CDH9: variants seen among roughly 807,000 people sequenced by gnomAD.
CDH9 encodes the protein cadherin 9, also known as cadherin-9.
Under a neutral mutation model 70.9 loss-of-function variants are expected in CDH9, and 28 were observed. The ratio of observed to expected loss-of-function variants is 0.40; its 90% confidence interval spans 0.29 to 0.54. The LOEUF (loss-of-function observed/expected upper bound fraction) is 0.54, where lower values mean the gene tolerates loss of function less well. CDH9 is among the 20% of genes least tolerant of loss of function. The pLI is 0.59. For synonymous variants in CDH9, 409 were observed against 343.1 expected, an observed-to-expected ratio of 1.19 and a Z score of -2.12; for missense variants, 874 against 984.4, an observed-to-expected ratio of 0.89 and a Z score of 1.50.
chr5:26,979,578 C>A (rs946871124), intron 2 of CDH9, among the ~76,000 whole-genome samples: 1 of 151,728 alleles, frequency 6.6e-6, no homozygotes, highest in Non-Finnish European at 1.5e-5. Context: ...CAATTAAATG[C>A]CAAATATTGT....
At chr5:26,900,559 G>T (rs1740837137) in intron 7 of CDH9, among the ~76,000 whole-genome samples, 1 of 152,018 alleles carries the variant, frequency 6.6e-6, no homozygotes, top group Non-Finnish European at 1.5e-5. Flanking sequence ...ATGAAGAAAA[G>T]ATAACATGGA....
intron 6 of CDH9, chr5:26,902,959 C>A: frequency 2.5e-6 from 1 of 402,192 alleles, no homozygotes; most frequent in East Asian, 4.2e-5. Context: ...TTGATTCTCA[C>A]TTAGTAATAT....
chr5:27,012,826 A>G (rs1465302224), intron 1 of CDH9, among the ~76,000 whole-genome samples: 1 of 152,012 alleles, frequency 6.6e-6, no homozygotes, highest in Non-Finnish European at 1.5e-5. Flanking sequence ...TATTTCCTTA[A>G]TATCTTGATG....
At chr5:26,998,217 A>T (rs1742700561) in intron 1 of CDH9, among the ~76,000 whole-genome samples, 1 of 152,146 alleles carries the variant, frequency 6.6e-6, no homozygotes, top group South Asian at 2.1e-4. Flanking sequence ...CTGTGAACCT[A>T]TGGAAAATCA....
intron 2 of CDH9, among the ~76,000 whole-genome samples, chr5:26,976,772 A>G (rs1397382405): frequency 6.6e-6 from 1 of 152,114 alleles, no homozygotes; most frequent in African/African-American, 2.4e-5. Flanking sequence ...TATTATGCAT[A>G]CTGGCCACTT....
At chr5:26,884,239 A>T (rs1387834571) in intron 11 of CDH9, among the ~76,000 whole-genome samples, 1 of 152,136 alleles carries the variant, frequency 6.6e-6, no homozygotes, top group Non-Finnish European at 1.5e-5. Flanking sequence ...TTAATTTGAC[A>T]ATGTTAAAAT....
chr5:26,957,585 T>G (rs1300946943), intron 2 of CDH9, among the ~76,000 whole-genome samples: 1 of 152,084 alleles, frequency 6.6e-6, no homozygotes, highest in Middle Eastern at 3.4e-3. Flanking sequence ...TTGCTTGAAC[T>G]TGGGAGGTGG....
At chr5:26,935,856 A>C (rs1741548994) in intron 2 of CDH9, among the ~76,000 whole-genome samples, 1 of 152,010 alleles carries the variant, frequency 6.6e-6, no homozygotes, top group Admixed American at 6.6e-5. Flanking sequence ...AACCAACCTA[A>C]GTGCCTATCA....
At chr5:26,927,924 A>G (rs1330778149) in intron 2 of CDH9, among the ~76,000 whole-genome samples, 2 of 152,012 alleles carry the variant, frequency 1.3e-5, no homozygotes, top group African/African-American at 4.8e-5. Context: ...GGCACTGTTT[A>G]CCCCTGCTCC....
At chr5:26,911,125 A>T (rs1340363147) in intron 3 of CDH9, among the ~76,000 whole-genome samples, 1 of 152,150 alleles carries the variant, frequency 6.6e-6, no homozygotes, top group African/African-American at 2.4e-5. Flanking sequence ...GCAAAATCCT[A>T]AGAACTAACT....
chr5:26,883,043 A>T (rs1464492488), intron 11 of CDH9, among the ~76,000 whole-genome samples: 2 of 2,164 alleles, frequency 9.2e-4, no homozygotes, highest in Non-Finnish European at 1.8e-3. Context: ...GGATCATCTT[A>T]TATATATATA....
chr5:26,954,337 C>G (rs891501475), intron 2 of CDH9, among the ~76,000 whole-genome samples: 12 of 149,536 alleles, frequency 8.0e-5, no homozygotes, highest in Non-Finnish European at 1.8e-4. Context: ...AATATTAATC[C>G]TAACTGCAGT....
chr5:26,963,201 A>G (rs1742068702), intron 2 of CDH9, among the ~76,000 whole-genome samples: 1 of 152,186 alleles, frequency 6.6e-6, no homozygotes, highest in African/African-American at 2.4e-5. Context: ...GCCCTTTTAG[A>G]GAAACAGTGC....
At position 26,988,219 on chromosome 5, in the gene CDH9, C is replaced by T. The variant is rs770156317; in HGVS notation, c.115G>A (p.Gly39Ser). Residue 39 changes from glycine (G) to serine (S), a missense_variant, in exon 2 of 12, where the codon GGT becomes AGT. Transcript: ENST00000231021. ...NSYLSSKKIAGLTKDDGKMLR... is the reference protein window; with the variant it reads ...NSYLSSKKIASLTKDDGKMLR... ...ATTTTACCGTCATCTTTTGTCAGAC[C>T]CGCTATCTTTTTGCTTGATAAATAA... 7.4e-6 allele frequency: 12 copies of T among 1,613,460 alleles called. No homozygotes were observed. The highest frequency in any genetic ancestry group is 6.6e-5 in the South Asian group (6 of 91,072).
At position 26,903,692 on chromosome 5, in the gene CDH9, A is replaced by G. The variant is rs1561189376; in HGVS notation, c.944T>C (p.Met315Thr). 4 of 1,610,290 alleles carry G rather than the reference A, an allele frequency of 2.5e-6. No individual in the cohort carries two copies. Among genetic ancestry groups the G allele is most frequent in the Non-Finnish European group, 3.4e-6 (4 of 1,177,238 alleles). The change falls in exon 6 of 12, where the codon ATG (methionine) becomes ACG (threonine). Residue 315 changes from methionine (M) to threonine (T), a missense_variant. Met to Thr is a moderately conservative substitution (Grantham distance 81). Coordinates refer to ENST00000231021, the MANE Select transcript of CDH9 (RefSeq NM_016279.4). Reference protein sequence around the residue: ...YSIAEGDGADMFDVITDKDTQ... With the variant: ...YSIAEGDGADTFDVITDKDTQ... The stretch of plus-strand genomic sequence containing the variant: ...ATCCTTGTCAGTGATGACATCGAAC[A>G]TGTCTGCACCATCTCCTTCAGCAAT...
At chr5:26,937,239 G>A (rs1579462295) in intron 2 of CDH9, among the ~76,000 whole-genome samples, 2 of 152,024 alleles carry the variant, frequency 1.3e-5, no homozygotes, top group Non-Finnish European at 2.9e-5. Flanking sequence ...CACCAAAGAA[G>A]ACACACATGG....
At chr5:26,936,187 C>T (rs778288737) in intron 2 of CDH9, among the ~76,000 whole-genome samples, 18 of 151,946 alleles carry the variant, frequency 1.2e-4, no homozygotes, top group Non-Finnish European at 2.2e-4. Context: ...TCTCAGAAAT[C>T]GCCACTAAAG....
At chr5:26,935,676 C>T (rs1412741367) in intron 2 of CDH9, among the ~76,000 whole-genome samples, 2 of 152,100 alleles carry the variant, frequency 1.3e-5, no homozygotes, top group Admixed American at 6.6e-5. Flanking sequence ...CCAGTACAAC[C>T]ACTATGGAAA....
At chr5:26,964,217 A>T (rs1275787326) in intron 2 of CDH9, among the ~76,000 whole-genome samples, 1 of 152,046 alleles carries the variant, frequency 6.6e-6, no homozygotes, top group African/African-American at 2.4e-5. Flanking sequence ...ACACACATAC[A>T]CACACAAGCA....
Sources: gnomAD v4.1 joint callset for allele counts (sites outside exome capture counted in the v4.1 genomes callset) on GRCh38, gnomAD v4.1.1 for gene constraint, MANE v1.5 for transcripts, NCBI Gene and HGNC (gene_info 2026-07-23, HGNC 2026-07-21) for gene names.